Variants in TRAM2 observed in about 807,000 individuals in gnomAD.
The protein encoded by TRAM2 is translocating chain-associated membrane protein 2.
TRAM2 carries 12 observed loss-of-function variants against 51.0 expected under a neutral mutation model. The ratio of observed to expected loss-of-function variants is 0.24; its 90% CI spans 0.15 to 0.38. TRAM2 has a LOEUF of 0.38. Ranked by LOEUF, TRAM2 falls within the 10% of genes least tolerant of loss-of-function variation. The pLI, the probability that TRAM2 is intolerant of heterozygous loss-of-function variation, is 1.00. For synonymous variants in TRAM2, 175 were observed against 179.4 expected (o/e 0.98, Z 0.20); for missense variants, 361 against 462.0 (o/e 0.78, Z 2.00).
intron 2 of TRAM2, among the ~76,000 whole-genome samples, chr6:52,535,294 C>A (rs112164978): frequency 1.3e-5 from 2 of 152,192 alleles, no homozygotes; most frequent in African/African-American, 4.8e-5. Flanking sequence ...ATGAAGAAGA[C>A]AGAGAGCAGA....
At chr6:52,574,691 G>T (rs957341626) in intron 1 of TRAM2, among the ~76,000 whole-genome samples, 2 of 152,154 alleles carry the variant, frequency 1.3e-5, no homozygotes, top group African/African-American at 2.4e-5. Context: ...TGTTTTTCTC[G>T]TCTTGGGCCT....
chr6:52,563,207 T>G (rs1427420496), intron 1 of TRAM2, among the ~76,000 whole-genome samples: 1 of 152,206 alleles, frequency 6.6e-6, no homozygotes, highest in Admixed American at 6.5e-5. Context: ...CAACCTTCCA[T>G]ATAAATGAGG....
chr6:52,559,447 G>A (rs576831539), intron 1 of TRAM2, among the ~76,000 whole-genome samples: 19 of 152,288 alleles, frequency 1.2e-4, no homozygotes, highest in South Asian at 2.1e-4. Context: ...TGGCATTGAT[G>A]AGCAACGAGA....
At chr6:52,565,240 TG>T (rs1767569799) in intron 1 of TRAM2, among the ~76,000 whole-genome samples, 1 of 151,910 alleles carries the variant, frequency 6.6e-6, no homozygotes. Flanking sequence ...AAGATGAGAG[TG>T]TGGGGTCCAA....
intron 1 of TRAM2, 77 bp downstream of exon 1, chr6:52,576,719 C>A: frequency 6.5e-7 from 1 of 1,549,258 alleles, no homozygotes. Flanking sequence ...GGAGGGCCCG[C>A]TGACCTGCAG....
In TRAM2 at chr6:52,500,134, T is replaced by C. The variant is rs1766180357; in HGVS notation, c.*3063A>G. Reference sequence around the variant, plus strand: ...AGGGCTGTCGAGAGGCCACAGTTGCTGGGGTAGGTTTACGTCTTTTCTCCT... The same window carrying C: ...AGGGCTGTCGAGAGGCCACAGTTGCCGGGGTAGGTTTACGTCTTTTCTCCT... On this transcript the variant is annotated 3_prime_UTR_variant, in exon 11 of 11. Coordinates refer to ENST00000182527, the MANE Select transcript of TRAM2 (RefSeq NM_012288.4). 1 of 152,252 alleles carries C rather than the reference T, an allele frequency of 6.6e-6. No homozygotes were observed. 9.4% of individuals were successfully genotyped at this position (152,252 alleles called of 1,614,324 possible). A position where few individuals can be genotyped will look rare whatever the true frequency, so the allele number is the denominator to read the frequency against.
At chr6:52,562,462 G>A (rs776115131) in intron 1 of TRAM2, among the ~76,000 whole-genome samples, 1 of 152,194 alleles carries the variant, frequency 6.6e-6, no homozygotes, top group South Asian at 2.1e-4. Context: ...TAATCAATAG[G>A]AGAGAGCCCC....
At chr6:52,553,055 AC>A in intron 1 of TRAM2, among the ~76,000 whole-genome samples, 1 of 152,186 alleles carries the variant, frequency 6.6e-6, no homozygotes, top group South Asian at 2.1e-4. Context: ...CTCCCCTCCC[AC>A]TATCCATAGC....
chr6:52,521,591 G>A (rs886086114), intron 2 of TRAM2, among the ~76,000 whole-genome samples: 1 of 151,888 alleles, frequency 6.6e-6, no homozygotes, highest in Admixed American at 6.6e-5. Context: ...CAGCTACTCG[G>A]GAGGCTGAGG....
At chr6:52,512,332 A>G (rs1465935673) in intron 4 of TRAM2, among the ~76,000 whole-genome samples, 3 of 152,196 alleles carry the variant, frequency 2.0e-5, no homozygotes, top group Admixed American at 2.0e-4. Flanking sequence ...GAAACTCCCC[A>G]GAAAAATGTT....
At chr6:52,504,460 T>G in intron 10 of TRAM2, 131 bp downstream of exon 10, 1 of 1,470,818 alleles carries the variant, frequency 6.8e-7, no homozygotes, top group Admixed American at 2.2e-5. Context: ...AGCCCTGAGG[T>G]AAGAGTCAGG....
At chr6:52,553,069 G>C (rs1767338849) in intron 1 of TRAM2, among the ~76,000 whole-genome samples, 1 of 152,032 alleles carries the variant, frequency 6.6e-6, no homozygotes, top group South Asian at 2.1e-4. Context: ...TCCATAGCTA[G>C]AATAGCCAGG....
Position 52,504,575 on chromosome 6 carries a change from G to A in TRAM2, c.1039+16C>T, listed in dbSNP as rs371529644. On this transcript the variant is annotated intron_variant, in intron 10 of 10. Coordinates refer to ENST00000182527, the MANE Select transcript of TRAM2 (RefSeq NM_012288.4). ...CTTCCCTGGCTCCACTCTCTGCCAAGGGCCCTGGCACTCACCAGATTCCCT... is the reference window on the plus strand; with the variant it reads ...CTTCCCTGGCTCCACTCTCTGCCAAAGGCCCTGGCACTCACCAGATTCCCT... 2.5e-6 allele frequency: 4 copies of A among 1,613,800 alleles called. No homozygotes were observed. In the East Asian group the frequency reaches 8.9e-5, roughly 36 times the overall value.
intron 2 of TRAM2, among the ~76,000 whole-genome samples, chr6:52,529,269 C>T (rs1766842028): frequency 6.6e-6 from 1 of 152,116 alleles, no homozygotes; most frequent in South Asian, 2.1e-4. Flanking sequence ...TCCCCACCTC[C>T]CCCCAGCTTT....
rs1179717047 is a variant in TRAM2 at position 52,562,767 on chromosome 6, T to G, written c.120+14029A>C. 2.6e-5 allele frequency among the ~76,000 whole-genome samples: 4 copies of G among 152,148 alleles called. No homozygotes were observed. The East Asian group carries it at 7.7e-4, about 29-fold the overall frequency. On this transcript the variant is annotated intron_variant, in intron 1 of 10. Transcript: ENST00000182527. ...ATGTTCCCCTCCCTATGTCAACGTG[T>G]TCTCATTGTTCAACTCCAACTTATG...
chr6:52,519,145 A>C (rs963118269), intron 2 of TRAM2, among the ~76,000 whole-genome samples: 1 of 152,246 alleles, frequency 6.6e-6, no homozygotes, highest in Non-Finnish European at 1.5e-5. Context: ...AACCACGCAC[A>C]GGGCTCCATG....
intron 2 of TRAM2, among the ~76,000 whole-genome samples, chr6:52,518,046 A>G (rs1485614616): frequency 6.6e-6 from 1 of 152,124 alleles, no homozygotes; most frequent in Non-Finnish European, 1.5e-5. Context: ...GATAAAAGAC[A>G]CCACCCCCGG....
At chr6:52,541,803 G>GT (rs56919932) in intron 1 of TRAM2, among the ~76,000 whole-genome samples, 74,886 of 138,884 alleles carry the variant, frequency 0.54, 20,920 homozygotes, top group East Asian at 0.86. Flanking sequence ...AGTTTATTCT[G>GT]TTTTTTTTTT....
chr6:52,542,430 A>G (rs1372070579), intron 1 of TRAM2, among the ~76,000 whole-genome samples: 1 of 152,116 alleles, frequency 6.6e-6, no homozygotes, highest in Non-Finnish European at 1.5e-5. Context: ...TGAAACAAAG[A>G]TGCTTTTCAC....
Sources: gnomAD v4.1 joint callset for allele counts (sites outside exome capture counted in the v4.1 genomes callset) on GRCh38, gnomAD v4.1.1 for gene constraint, MANE v1.5 for transcripts, NCBI Gene and HGNC (gene_info 2026-07-23, HGNC 2026-07-21) for gene names.